The following PRKCI variants were observed in gnomAD, a reference collection of about 807,000 sequenced individuals.
PRKCI encodes protein kinase C iota, also known as protein kinase C iota type.
In PRKCI, 43 loss-of-function variants were observed where a neutral mutation model predicts 84.0. The ratio of observed to expected loss-of-function variants is 0.51; its 90% CI spans 0.40 to 0.66. The LOEUF (loss-of-function observed/expected upper bound fraction) is 0.66, where lower values mean the gene tolerates loss of function less well. PRKCI is among the 30% of genes least tolerant of loss of function. The probability of loss-of-function intolerance (pLI) is 0.00; values close to 1 mark genes in which losing one functional copy is unlikely to be tolerated. For synonymous variants in PRKCI, 216 were observed against 234.4 expected, an observed-to-expected ratio of 0.92 and a Z score of 0.72; for missense variants, 459 against 745.6, an observed-to-expected ratio of 0.62 and a Z score of 4.48.
chr3:170,297,676 G>A (rs1352190877), intron 16 of PRKCI, among the ~76,000 whole-genome samples: 8 of 151,180 alleles, frequency 5.3e-5, no homozygotes, highest in South Asian at 4.2e-4. Context: ...GGCTGGTCTC[G>A]AACTCCTGAC....
intron 5 of PRKCI, 76 bp downstream of exon 5, chr3:170,268,076 T>G (rs570422159): frequency 1.2e-4 from 146 of 1,200,506 alleles, no homozygotes; most frequent in Admixed American, 6.2e-4. Flanking sequence ...AAAGGTAGTT[T>G]GTTATTAAGT....
At position 170,303,999 on chromosome 3, in the gene PRKCI, T is replaced by C. The variant is rs193000607; in HGVS notation, c.*872T>C. The C allele has an allele frequency of 1.3e-4, 20 of 158,802 alleles. No homozygotes were observed. The highest frequency in any genetic ancestry group is 5.8e-3 in the Middle Eastern group (2 of 344). 9.8% of individuals were successfully genotyped at this position (158,802 alleles called of 1,614,324 possible). On this transcript the variant is annotated 3_prime_UTR_variant, in exon 18 of 18. Transcript: ENST00000295797. ...ACTCGGTCTCAAACAAAAACCAAATTGGGAAATTCTTCTTGAGTTAAAAAA... is the reference window on the plus strand; with the variant it reads ...ACTCGGTCTCAAACAAAAACCAAATCGGGAAATTCTTCTTGAGTTAAAAAA...
At chr3:170,223,305 G>A (rs1453974437) in intron 1 of PRKCI, among the ~76,000 whole-genome samples, 2 of 152,150 alleles carry the variant, frequency 1.3e-5, no homozygotes, top group Non-Finnish European at 2.9e-5. Flanking sequence ...TAGACATAGG[G>A]GTTGTATTTA....
At chr3:170,241,391 A>G (rs1446433804) in intron 2 of PRKCI, among the ~76,000 whole-genome samples, 3 of 152,126 alleles carry the variant, frequency 2.0e-5, no homozygotes, top group Non-Finnish European at 2.9e-5. Flanking sequence ...TATGAGTTCA[A>G]CTTTTTTAGA....
chr3:170,285,304 C>A (rs1348512539), intron 12 of PRKCI, among the ~76,000 whole-genome samples: 1 of 152,184 alleles, frequency 6.6e-6, no homozygotes, highest in Non-Finnish European at 1.5e-5. Flanking sequence ...TGATCTCAAT[C>A]TCCTGATCTC....
intron 6 of PRKCI, among the ~76,000 whole-genome samples, 163 bp downstream of exon 6, chr3:170,270,724 A>G (rs757108020): frequency 4.6e-5 from 7 of 152,132 alleles, no homozygotes; most frequent in Non-Finnish European, 8.8e-5. Context: ...CACACCGTGA[A>G]CTTTGGAACT....
intron 17 of PRKCI, 25 bp downstream of exon 17, chr3:170,299,135 T>G: frequency 6.9e-7 from 1 of 1,443,546 alleles, no homozygotes; most frequent in South Asian, 1.4e-5. Flanking sequence ...ACACTGAAAT[T>G]TTTTTTTAAG....
In PRKCI at chr3:170,275,170, GTTT is replaced by G. The variant is rs1289722549; in HGVS notation, c.647-54_647-52del. 3.8e-6 allele frequency: 5 copies of G among 1,316,570 alleles called. No homozygotes were observed. The South Asian group carries it at 9.5e-5, about 25-fold the overall frequency. 81.6% of individuals were successfully genotyped at this position (1,316,570 alleles called of 1,614,324 possible). A position where few individuals can be genotyped will look rare whatever the true frequency, so the allele number is the denominator to read the frequency against. ...TATTTCAAACTCATTAATGGTTGCT[GTTT>G]TTTTCTCCTGCACCTTTTTTTTTTT... On this transcript the variant is annotated intron_variant, in intron 7 of 17. Transcript: ENST00000295797.
intron 2 of PRKCI, among the ~76,000 whole-genome samples, chr3:170,254,160 T>G (rs111921559): frequency 3.1e-4 from 26 of 83,020 alleles, no homozygotes; most frequent in African/African-American, 1.6e-3. Flanking sequence ...GATTATTAGG[T>G]TTTTTTTTTC....
Position 170,261,699 on chromosome 3 carries a change from G to A in PRKCI, c.313+1641G>A, listed in dbSNP as rs141218155. 3.3e-3 allele frequency among the ~76,000 whole-genome samples: 506 copies of A among 152,150 alleles called. 1 individual carries two copies. Among genetic ancestry groups the A allele is most frequent in the Admixed American group, 6.2e-3 (95 of 15,284 alleles). The stretch of plus-strand genomic sequence containing the variant: ...GGGTTTCACCATGTTGGCCAGGCTG[G>A]TCTCGAACTCCTGACCTCAGGTGAT... On this transcript the variant is annotated intron_variant, in intron 3 of 17. Transcript: ENST00000295797.
intron 15 of PRKCI, among the ~76,000 whole-genome samples, chr3:170,296,989 C>T (rs1734700619): frequency 1.3e-5 from 2 of 152,158 alleles, no homozygotes; most frequent in Admixed American, 1.3e-4. Context: ...GACTCTCACA[C>T]TAGGTCATGC....
intron 15 of PRKCI, 66 bp downstream of exon 15, chr3:170,296,056 G>A (rs1243295243): frequency 1.1e-6 from 1 of 932,094 alleles, no homozygotes; most frequent in East Asian, 2.9e-5. Flanking sequence ...CTGGTCAGTA[G>A]CGGTTTGGGA....
intron 12 of PRKCI, among the ~76,000 whole-genome samples, chr3:170,285,175 G>A (rs1342390274): frequency 1.3e-5 from 2 of 151,628 alleles, no homozygotes; most frequent in Non-Finnish European, 2.9e-5. Flanking sequence ...CGCCTCCCGG[G>A]TTGACGCCAT....
chr3:170,254,616 A>G (rs915330807), intron 2 of PRKCI, among the ~76,000 whole-genome samples: 14 of 152,134 alleles, frequency 9.2e-5, no homozygotes, highest in Non-Finnish European at 1.8e-4. Flanking sequence ...GCACCTTTGT[A>G]AAAAATGAGT....
chr3:170,268,068 A>G (rs1027477821), intron 5 of PRKCI, 68 bp downstream of exon 5: 2 of 1,298,280 alleles, frequency 1.5e-6, no homozygotes, highest in Admixed American at 4.0e-5. Context: ...TATGAAAGAA[A>G]GGTAGTTTGT....
chr3:170,227,947 G>A (rs1289050344), intron 1 of PRKCI, among the ~76,000 whole-genome samples: 1 of 152,090 alleles, frequency 6.6e-6, no homozygotes, highest in East Asian at 1.9e-4. Context: ...AATTTTAAGG[G>A]GTAGTATCAG....
intron 2 of PRKCI, among the ~76,000 whole-genome samples, chr3:170,242,897 C>T (rs2108840505): frequency 6.6e-6 from 1 of 152,162 alleles, no homozygotes; most frequent in East Asian, 1.9e-4. Context: ...TCTCGAACTC[C>T]AGACGTCAGG....
At chr3:170,299,933 G>T (rs992412616) in intron 17 of PRKCI, among the ~76,000 whole-genome samples, 1 of 152,154 alleles carries the variant, frequency 6.6e-6, no homozygotes, top group Non-Finnish European at 1.5e-5. Flanking sequence ...CTTTTTTTAA[G>T]AAATTACATT....
intron 2 of PRKCI, among the ~76,000 whole-genome samples, chr3:170,242,224 C>G (rs1733151876): frequency 1.3e-5 from 2 of 152,094 alleles, no homozygotes; most frequent in African/African-American, 4.8e-5. Flanking sequence ...GAATGTGTAG[C>G]CAATGCTACT....
Sources: allele counts gnomAD v4.1 joint callset (sites outside exome capture counted in the v4.1 genomes callset), GRCh38; gene constraint gnomAD v4.1.1; transcripts MANE v1.5; gene names NCBI Gene and HGNC (gene_info 2026-07-23, HGNC 2026-07-21).